Variants in RPLP0 observed in about 807,000 individuals in gnomAD.
The protein encoded by RPLP0 is ribosomal protein lateral stalk subunit P0.
For synonymous variants in RPLP0, 137 were observed against 153.4 expected (o/e 0.89, Z 0.79); for missense variants, 276 against 402.9 (o/e 0.69, Z 2.70).
rs1011173662 is a variant in RPLP0 at position 120,198,408 on chromosome 12, T to C, written c.651+146A>G. 7.3e-6 allele frequency: 6 copies of C among 827,292 alleles called. No individual in the cohort carries two copies. Among genetic ancestry groups the C allele is most frequent in the Non-Finnish European group, 1.1e-5 (6 of 541,926 alleles). The allele number at this position is 827,292 out of a possible 1,614,324, so 51.2% of individuals were successfully genotyped here. ...CTCCAAAAAAAAAAAAAAAAAATCC[T>C]TCAACAATCTTATGTTGTTACTGAC... On this transcript the variant is annotated intron_variant, in intron 6 of 7. Coordinates refer to ENST00000392514, the MANE Select transcript of RPLP0 (RefSeq NM_001002.4). This position sits in a 1 kb window ranked among gnomAD's most constrained non-coding sequence, Gnocchi z 4.1.
chr12:120,199,532 G>C, intron 2 of RPLP0, 47 bp from the exon 3 acceptor site: 2 of 1,566,056 alleles, frequency 1.3e-6, no homozygotes, highest in African/African-American at 2.7e-5. Context: ...GAAGAGAGAG[G>C]GAAAAAATGC....
At position 120,198,557 on chromosome 12, in the gene RPLP0, C is replaced by T. The variant is rs1879276249; in HGVS notation, c.648G>A (p.Leu216=). ...GGGCAAGGCTGACAGCATATACCTC[C>T]AGGAAGCGAGAATGCAGAGTTTCCT... is the stretch of plus-strand genomic sequence containing the variant. ...ITEETLHSRF[L]EGVRNVASVC... is the part of the protein sequence containing the mutation. Residue 216 remains leucine (L), a synonymous_variant, in exon 6 of 8, where the codon CTG becomes CTA. Transcript: ENST00000392514. This position sits in a 1 kb window ranked among gnomAD's most constrained non-coding sequence, Gnocchi z 4.1. 1.9e-6 allele frequency: 3 copies of T among 1,614,086 alleles called. No individual in the cohort carries two copies. The East Asian group carries it at 6.7e-5, about 36-fold the overall frequency.
chr12:120,197,656 T>G, intron 6 of RPLP0, 194 bp from the exon 7 acceptor site: 1 of 627,308 alleles, frequency 1.6e-6, no homozygotes, highest in Non-Finnish European at 2.7e-6. Flanking sequence ...TTGCCCTTAT[T>G]CCAAATCCAG....
chr12:120,198,436 T>C lies in RPLP0; in HGVS notation c.651+118A>G, dbSNP rs1477774108. 1 of 1,092,762 alleles carries C rather than the reference T, an allele frequency of 9.2e-7. No individual in the cohort carries two copies. Among genetic ancestry groups the C allele is most frequent in the Non-Finnish European group, 1.3e-6 (1 of 745,970 alleles). The allele number at this position is 1,092,762 out of a possible 1,614,324, so 67.7% of individuals were successfully genotyped here. A position where few individuals can be genotyped will look rare whatever the true frequency, so the allele number is the denominator to read the frequency against. ...AACAATCTTATGTTGTTACTGACATTTTACAGATGAGGTAGGTAGACAGAT... is the reference window on the plus strand; with the variant it reads ...AACAATCTTATGTTGTTACTGACATCTTACAGATGAGGTAGGTAGACAGAT... On this transcript the variant is annotated intron_variant, in intron 6 of 7. Coordinates refer to ENST00000392514, the MANE Select transcript of RPLP0 (RefSeq NM_001002.4). This position sits in a 1 kb window ranked among gnomAD's most constrained non-coding sequence, Gnocchi z 4.1.
chr12:120,199,957 TG>T (rs1879352305), intron 2 of RPLP0: 1 of 446,988 alleles, frequency 2.2e-6, no homozygotes, highest in Non-Finnish European at 4.5e-6. Flanking sequence ...CTTCTAAGTG[TG>T]GGAAAATGTA....
chr12:120,198,968 G>T lies in RPLP0; in HGVS notation c.351C>A (p.Ala117=). Residue 117 remains alanine (A), a synonymous_variant, in exon 5 of 8, where the codon GCC becomes GCA. Coordinates refer to ENST00000392514, the MANE Select transcript of RPLP0 (RefSeq NM_001002.4). This position sits in a 1 kb window ranked among gnomAD's most constrained non-coding sequence, Gnocchi z 4.1. ...GGGCTGGCACAGTGACTTCACATGGGGCAATGGCACCAGCACGGGCAGCAG... is the reference window on the plus strand; with the variant it reads ...GGGCTGGCACAGTGACTTCACATGGTGCAATGGCACCAGCACGGGCAGCAG... ...VPAAARAGAI[A]PCEVTVPAQN... The T allele has an allele frequency of 3.7e-6, 6 of 1,614,022 alleles. No individual in the cohort carries two copies. Among genetic ancestry groups the T allele is most frequent in the Non-Finnish European group, 5.1e-6 (6 of 1,179,964 alleles).
At chr12:120,199,600 T>C in intron 2 of RPLP0, 115 bp from the exon 3 acceptor site, 1 of 1,137,332 alleles carries the variant, frequency 8.8e-7, no homozygotes, top group Non-Finnish European at 1.2e-6. Context: ...TCTAAGCTTT[T>C]GAAGTCAGAG....
At chr12:120,200,099 C>G (rs909372568) in intron 2 of RPLP0, 24 of 455,970 alleles carry the variant, frequency 5.3e-5, no homozygotes, top group Non-Finnish European at 8.8e-5. Context: ...CTGACAGGTC[C>G]TAAATATGCA....
rs534094846 is a variant in RPLP0, at chr12:120,200,980, C to A, written c.-49+103G>T. On this transcript the variant is annotated intron_variant, in intron 1 of 7. Transcript: ENST00000392514. ...GGGGCGTGCAAGCCGCCACCGAGGC[C>A]CCAGGCGGAACAGAATAGGACTCCA... 1.1e-5 allele frequency: 10 copies of A among 929,268 alleles called. No individual in the cohort carries two copies. In the East Asian group the frequency reaches 2.7e-4, roughly 25 times the overall value. 57.6% of individuals were successfully genotyped at this position (929,268 alleles called of 1,614,324 possible).
chr12:120,199,454 A>G lies in RPLP0; in HGVS notation c.86T>C (p.Ile29Thr), dbSNP rs766132340. 2.5e-5 allele frequency: 41 copies of G among 1,614,116 alleles called. No homozygotes were observed. The highest frequency in any genetic ancestry group is 1.3e-4 in the Admixed American group (8 of 60,000). ...GGAGCCCACATTGTCTGCTCCCACAATGAAACATTTCGGATAATCATCCAA... is the reference window on the plus strand; with the variant it reads ...GGAGCCCACATTGTCTGCTCCCACAGTGAAACATTTCGGATAATCATCCAA... ...QLLDDYPKCF[I>T]VGADNVGSKQ... The change falls in exon 3 of 8, where the codon ATT becomes ACT. Residue 29 changes from isoleucine to threonine, a missense_variant. Coordinates refer to ENST00000392514, the MANE Select transcript of RPLP0 (RefSeq NM_001002.4).
chr12:120,199,169 C>A lies in RPLP0; in HGVS notation c.267G>T (p.Val89=). The A allele has an allele frequency of 6.2e-7, 1 of 1,614,134 alleles. No homozygotes were observed. The highest frequency in any genetic ancestry group is 8.5e-7 in the Non-Finnish European group (1 of 1,179,972). ...LPHIRGNVGF[V]FTKEDLTEIR... is the part of the protein sequence containing the mutation. ...TCTCAGTGAGGTCCTCCTTGGTGAA[C>A]ACAAAGCCCACATTCCCCCGGATAT... The change falls in exon 4 of 8, where the codon GTG becomes GTT. Residue 89 remains valine, a synonymous_variant. Coordinates refer to ENST00000392514, the MANE Select transcript of RPLP0 (RefSeq NM_001002.4).
chr12:120,198,917 C>T lies in RPLP0; in HGVS notation c.402G>A (p.Lys134=). 1.2e-6 allele frequency: 2 copies of T among 1,613,788 alleles called. No individual in the cohort carries two copies. Among genetic ancestry groups the T allele is most frequent in the Non-Finnish European group, 1.7e-6 (2 of 1,179,694 alleles). ...TACCTAAAGCCTGGAAAAAGGAGGT[C>T]TTCTCGGGCCCGAGACCAGTGTTCT... is the stretch of plus-strand genomic sequence containing the variant. ...PAQNTGLGPE[K]TSFFQALGIT... The change falls in exon 5 of 8, where the codon AAG becomes AAA. Residue 134 remains lysine (K), a synonymous_variant. Transcript: ENST00000392514. The surrounding 1 kb of genome is among the most constrained non-coding windows in gnomAD (Gnocchi z 4.1).
intron 7 of RPLP0, 71 bp from the exon 8 acceptor site, chr12:120,197,005 G>C: frequency 6.3e-7 from 1 of 1,599,738 alleles, no homozygotes; most frequent in East Asian, 2.2e-5. Context: ...TCCTGCCTTG[G>C]TAGAGTTTAA....
chr12:120,199,141 T>C lies in RPLP0; in HGVS notation c.295A>G (p.Arg99Gly). ...VFTKEDLTEI[R>G]DMLLANKVPA... is the part of the protein sequence containing the mutation. ...ACCTTATTGGCCAGCAACATGTCCC[T>C]GATCTCAGTGAGGTCCTCCTTGGTG... Residue 99 changes from arginine to glycine, a missense_variant, in exon 4 of 8, where the codon AGG (arginine) becomes GGG (glycine). Coordinates refer to ENST00000392514, the MANE Select transcript of RPLP0 (RefSeq NM_001002.4). 1 of 1,613,874 alleles carries C rather than the reference T, an allele frequency of 6.2e-7. No individual in the cohort carries two copies. Among genetic ancestry groups the C allele is most frequent in the Non-Finnish European group, 8.5e-7 (1 of 1,179,708 alleles).
At chr12:120,200,609 T>G in intron 2 of RPLP0, 121 bp downstream of exon 2, 1 of 1,123,576 alleles carries the variant, frequency 8.9e-7, no homozygotes. Context: ...CTAAACAGTA[T>G]TTTCCCAAAA....
rs1403922375 is a variant in RPLP0, at chr12:120,199,355, C to A, written c.185G>T (p.Arg62Leu). The A allele has an allele frequency of 6.2e-7, 1 of 1,614,042 alleles. No individual in the cohort carries two copies. The highest frequency in any genetic ancestry group is 2.2e-5 in the East Asian group (1 of 44,900). ...TTCCAGGTGCCCTCGGATGGCCTTG[C>A]GCATCATGGTGTTCTTGCCCATCAG... ...VVLMGKNTMM[R>L]KAIRGHLENN... Residue 62 changes from arginine to leucine, a missense_variant, in exon 3 of 8, where the codon CGC becomes CTC. Physicochemically the swap from Arg to Leu is moderately radical, Grantham distance 102. Transcript: ENST00000392514.
intron 6 of RPLP0, 110 bp from the exon 7 acceptor site, chr12:120,197,572 T>C: frequency 7.5e-7 from 1 of 1,333,080 alleles, no homozygotes; most frequent in South Asian, 1.3e-5. Flanking sequence ...GGTTGGCAGC[T>C]CAGTCTCAAG....
intron 1 of RPLP0, 65 bp downstream of exon 1, chr12:120,201,018 C>T (rs749171499): frequency 1.1e-5 from 6 of 542,154 alleles, no homozygotes; most frequent in Admixed American, 3.9e-5. Flanking sequence ...TTCCCAAAGG[C>T]CCCCAAAGAC....
Position 120,198,454 on chromosome 12 carries a change from A to C in RPLP0, c.651+100T>G. ...CTGACATTTTACAGATGAGGTAGGT[A>C]GACAGATGAAAACACAGTCCTTGGT... On this transcript the variant is annotated intron_variant, in intron 6 of 7. Coordinates refer to ENST00000392514, the MANE Select transcript of RPLP0 (RefSeq NM_001002.4). This position sits in a 1 kb window ranked among gnomAD's most constrained non-coding sequence, Gnocchi z 4.1. 8.0e-7 allele frequency: 1 copy of C among 1,246,936 alleles called. No individual in the cohort carries two copies. Among genetic ancestry groups the C allele is most frequent in the Non-Finnish European group, 1.2e-6 (1 of 860,298 alleles). 77.2% of individuals were successfully genotyped at this position (1,246,936 alleles called of 1,614,324 possible). A position where few individuals can be genotyped will look rare whatever the true frequency, so the allele number is the denominator to read the frequency against.
Sources: allele counts gnomAD v4.1 joint callset, GRCh38; gene constraint gnomAD v4.1.1; non-coding constraint Gnocchi (gnomAD v3.1); transcripts MANE v1.5; gene names NCBI Gene and HGNC (gene_info 2026-07-23, HGNC 2026-07-21).